RIMBP2: variants seen among roughly 807,000 people sequenced by gnomAD.
RIMBP2 encodes RIMS binding protein 2, also known as RIMS-binding protein 2.
A neutral mutation model predicts 118.6 loss-of-function variants in RIMBP2; 48 were observed. That is an observed-to-expected ratio of 0.40 (90% confidence interval 0.32 to 0.51). The LOEUF is 0.51. Ranked by LOEUF, RIMBP2 falls within the 20% of genes least tolerant of loss-of-function variation. The pLI, the probability that RIMBP2 is intolerant of heterozygous loss-of-function variation, is 0.41. For missense variants in RIMBP2, 1,551 were observed against 1,768.3 expected, an observed-to-expected ratio of 0.88 and a Z score of 2.20; for synonymous variants, 762 against 742.9, an observed-to-expected ratio of 1.03 and a Z score of -0.42.
chr12:130,569,518 G>A (rs1007227523), intron 2 of RIMBP2, among the ~76,000 whole-genome samples: 1 of 152,198 alleles, frequency 6.6e-6, no homozygotes, highest in African/African-American at 2.4e-5. Flanking sequence ...CTATGGTTTG[G>A]ATCTGCGTCC....
At chr12:130,597,744 A>G (rs1320893764) in intron 2 of RIMBP2, among the ~76,000 whole-genome samples, 1 of 152,234 alleles carries the variant, frequency 6.6e-6, no homozygotes, top group Non-Finnish European at 1.5e-5. Flanking sequence ...AACTTCCTCC[A>G]TGAGATAAAG....
intron 1 of RIMBP2, among the ~76,000 whole-genome samples, chr12:130,684,010 C>T (rs1464600388): frequency 6.6e-6 from 1 of 152,144 alleles, no homozygotes; most frequent in Admixed American, 6.5e-5. Context: ...AGGAGAGAAT[C>T]AACTAAGAGT....
At position 130,421,725 on chromosome 12, in the gene RIMBP2, T is replaced by TGTGTGTGTGTG. The variant is rs1566004686; in HGVS notation, c.3238+727_3238+728insCACACACACAC. Among the ~76,000 whole-genome samples, 31 of 88,084 alleles carry TGTGTGTGTGTG rather than the reference T, an allele frequency of 3.5e-4. No homozygotes were observed. In the East Asian group the frequency reaches 8.3e-3, roughly 23 times the overall value. The allele number at this position is 88,084 out of a possible 152,430, so 57.8% of individuals were successfully genotyped here. A position where few individuals can be genotyped will look rare whatever the true frequency, so the allele number is the denominator to read the frequency against. The stretch of plus-strand genomic sequence containing the variant: ...TGTGTGTGTGTGTGTGTGTGTGTGT[T>TGTGTGTGTGTG]TTCATAGAAGCCTGGTTCCTCTGTG... On this transcript the variant is annotated intron_variant, in intron 17 of 22. Coordinates refer to ENST00000690449, the MANE Select transcript of RIMBP2 (RefSeq NM_001393629.1).
chr12:130,450,238 T>A lies in RIMBP2; in HGVS notation c.543A>T (p.Arg181Ser). Residue 181 changes from arginine to serine, a missense_variant, in exon 9 of 23, where the codon AGA becomes AGT. Physicochemically the swap from Arg to Ser is moderately radical, Grantham distance 110. This residue lies in a region of RIMBP2 where 239 missense variants were observed against 256.8 expected (regional missense o/e 0.93). Transcript: ENST00000690449. The surrounding 1 kb of genome is among the most constrained non-coding windows in gnomAD (Gnocchi z 4.8). Reference sequence around the variant, plus strand: ...CACAGAGGTGGACCTTCCCCGAGTATCTCTGCTTGGAGGTATTGGAATTCC... The same window carrying A: ...CACAGAGGTGGACCTTCCCCGAGTAACTCTGCTTGGAGGTATTGGAATTCC... Reference protein sequence around the residue: ...NERNSNTSKQRYSGKVHLCVA... With the variant: ...NERNSNTSKQSYSGKVHLCVA... 6.2e-7 allele frequency: 1 copy of A among 1,610,126 alleles called. No individual in the cohort carries two copies. Among genetic ancestry groups the A allele is most frequent in the Non-Finnish European group, 8.5e-7 (1 of 1,177,964 alleles).
chr12:130,507,178 G>A (rs1395271043), intron 3 of RIMBP2, among the ~76,000 whole-genome samples: 5 of 152,246 alleles, frequency 3.3e-5, no homozygotes, highest in East Asian at 3.9e-4. Flanking sequence ...CACTGGACTC[G>A]GAAAGTTAAA....
At chr12:130,637,524 C>T (rs193049096) in intron 1 of RIMBP2, among the ~76,000 whole-genome samples, 26 of 152,320 alleles carry the variant, frequency 1.7e-4, no homozygotes, top group Non-Finnish European at 2.9e-4. Context: ...TGTAAACCAA[C>T]CCTGGGAACA....
intron 4 of RIMBP2, among the ~76,000 whole-genome samples, chr12:130,483,895 G>A (rs938560898): frequency 4.7e-5 from 7 of 147,884 alleles, no homozygotes; most frequent in African/African-American, 1.5e-4. Context: ...CGGAGCCCCC[G>A]TCCCCACCTA....
rs573430673 is a variant in RIMBP2 at position 130,424,591 on chromosome 12, C to T, written c.2680G>A (p.Val894Ile). Residue 894 changes from valine (V) to isoleucine (I), a missense_variant, in exon 16 of 23, where the codon GTC (valine) becomes ATC (isoleucine). Transcript: ENST00000690449. The surrounding 1 kb of genome is among the most constrained non-coding windows in gnomAD (Gnocchi z 9.8). ...FPVKHRGSGA[V>I]PHVEDFLLED... ...AGAAGGAAGTCCTCCACGTGGGGGA[C>T]GGCCCCCGAGCCCCTGTGCTTCACC... 141 of 1,231,958 alleles carry T rather than the reference C, an allele frequency of 1.1e-4. 1 individual carries two copies. The East Asian group carries it at 3.0e-3, about 26-fold the overall frequency. 76.3% of individuals were successfully genotyped at this position (1,231,958 alleles called of 1,614,324 possible).
At chr12:130,568,004 G>T (rs574757596) in intron 2 of RIMBP2, among the ~76,000 whole-genome samples, 11 of 152,182 alleles carry the variant, frequency 7.2e-5, no homozygotes, top group African/African-American at 2.6e-4. Context: ...TAAAAAAAAA[G>T]GCCCGTGGTC....
chr12:130,706,408 G>A (rs993150092), intron 1 of RIMBP2, among the ~76,000 whole-genome samples: 4 of 152,356 alleles, frequency 2.6e-5, no homozygotes, highest in South Asian at 4.1e-4. Flanking sequence ...TCACACAGCC[G>A]GAAGTAGCAG....
intron 1 of RIMBP2, among the ~76,000 whole-genome samples, chr12:130,655,468 G>C (rs536721558): frequency 6.6e-6 from 1 of 152,296 alleles, no homozygotes; most frequent in South Asian, 2.1e-4. Context: ...GGGTGGGCAG[G>C]GCGGAGAGTC....
chr12:130,680,075 C>T (rs966336209), intron 1 of RIMBP2, among the ~76,000 whole-genome samples: 4 of 152,212 alleles, frequency 2.6e-5, no homozygotes, highest in Admixed American at 2.0e-4. Flanking sequence ...GTTCACCCAC[C>T]GTGGGAAGGA....
At chr12:130,664,364 T>C (rs1430068791) in intron 1 of RIMBP2, among the ~76,000 whole-genome samples, 2 of 127,434 alleles carry the variant, frequency 1.6e-5, no homozygotes, top group Admixed American at 8.3e-5. Context: ...CACACACATA[T>C]GCACGTGCAT....
intron 2 of RIMBP2, among the ~76,000 whole-genome samples, chr12:130,594,244 A>G (rs2059431259): frequency 6.6e-6 from 1 of 152,208 alleles, no homozygotes; most frequent in African/African-American, 2.4e-5. Flanking sequence ...CTCCCAATTC[A>G]GACTGTTCAC....
chr12:130,490,070 G>A (rs2048486485), intron 4 of RIMBP2, among the ~76,000 whole-genome samples: 1 of 145,948 alleles, frequency 6.9e-6, no homozygotes, highest in South Asian at 2.1e-4. Flanking sequence ...GTTGCAGTGA[G>A]CCGAGACTGC....
chr12:130,545,401 G>A (rs1456907760), intron 2 of RIMBP2, among the ~76,000 whole-genome samples: 1 of 111,452 alleles, frequency 9.0e-6, no homozygotes, highest in East Asian at 3.0e-4. Context: ...GTAAAATAAG[G>A]TATTATGATA....
intron 12 of RIMBP2, 30 bp downstream of exon 12, chr12:130,438,335 A>ACCCAACCCC: frequency 6.9e-6 from 6 of 864,994 alleles, no homozygotes; most frequent in Non-Finnish European, 9.6e-6. Context: ...GGCCTAACAA[A>ACCCAACCCC]CCCTCCCCAC....
chr12:130,662,383 C>T (rs12820145), intron 1 of RIMBP2, among the ~76,000 whole-genome samples: 31,230 of 151,994 alleles, frequency 0.21, 3,602 homozygotes, highest in East Asian at 0.3. Flanking sequence ...GGAGGCGGAG[C>T]GCGGTGGCTC....
intron 2 of RIMBP2, among the ~76,000 whole-genome samples, chr12:130,571,050 C>T (rs751396200): frequency 5.3e-5 from 8 of 151,994 alleles, no homozygotes; most frequent in African/African-American, 9.7e-5. Context: ...AAAAATGTCA[C>T]GAGAAAAAAC....
Sources: allele counts gnomAD v4.1 joint callset (sites outside exome capture counted in the v4.1 genomes callset), GRCh38; gene constraint gnomAD v4.1.1; regional missense constraint gnomAD v4.1.1; non-coding constraint Gnocchi (gnomAD v3.1); transcripts MANE v1.5; gene names NCBI Gene and HGNC (gene_info 2026-07-23, HGNC 2026-07-21).